PCDHA11: variants seen among roughly 807,000 people sequenced by gnomAD.
The protein encoded by PCDHA11 is protocadherin alpha 11.
Under a neutral mutation model 70.3 loss-of-function variants are expected in PCDHA11, and 61 were observed. The observed-to-expected ratio is 0.87, with a 90% CI of 0.71 to 1.07. The LOEUF is 1.07. Ranked by LOEUF, PCDHA11 falls within the 50% of genes least tolerant of loss-of-function variation. PCDHA11 has a pLI of 0.00. For synonymous variants in PCDHA11, 633 were observed against 555.1 expected (o/e 1.14, Z -1.97); for missense variants, 1,324 against 1,237.5 (o/e 1.07, Z -1.05).
chr5:140,869,748 A>G lies in PCDHA11; in HGVS notation c.645A>G (p.Thr215=). ...AACTTAATTTGCTGCTAACAGCTACAGACGGGGGAAAACCAGAGCTTACTG... is the reference window on the plus strand; with the variant it reads ...AACTTAATTTGCTGCTAACAGCTACGGACGGGGGAAAACCAGAGCTTACTG... ...TPELNLLLTA[T]DGGKPELTGT... The change falls in exon 1 of 4, where the codon ACA becomes ACG. Residue 215 remains threonine, a synonymous_variant. Coordinates refer to ENST00000398640, the MANE Select transcript of PCDHA11 (RefSeq NM_018902.5). 6.2e-7 allele frequency: 1 copy of G among 1,613,334 alleles called. No homozygotes were observed. The highest frequency in any genetic ancestry group is 1.7e-5 in the Admixed American group (1 of 59,994).
At chr5:140,926,998 G>C in intron 1 of PCDHA11, 1 of 1,612,288 alleles carries the variant, frequency 6.2e-7, no homozygotes, top group Non-Finnish European at 8.5e-7. Flanking sequence ...GGGCGTAGCC[G>C]TAGGCAATCT....
intron 1 of PCDHA11, among the ~76,000 whole-genome samples, chr5:140,938,922 T>G (rs2092267013): frequency 6.6e-6 from 1 of 151,926 alleles, no homozygotes; most frequent in Non-Finnish European, 1.5e-5. Flanking sequence ...CACAAGAAAT[T>G]GGCTTTTAAC....
In PCDHA11 at chr5:140,964,167, C is replaced by T. The variant is rs370784169; in HGVS notation, c.2392-14782C>T. Reference sequence around the variant, plus strand: ...AGCCTCAGTATAATGGTGTGAGGAACGAAATCATTATAGTGCCAAATAGAG... The same window carrying T: ...AGCCTCAGTATAATGGTGTGAGGAATGAAATCATTATAGTGCCAAATAGAG... On this transcript the variant is annotated intron_variant, in intron 1 of 3. Coordinates refer to ENST00000398640, the MANE Select transcript of PCDHA11 (RefSeq NM_018902.5). Among the ~76,000 whole-genome samples, 16 of 152,250 alleles carry T rather than the reference C, an allele frequency of 1.1e-4. 1 individual carries two copies. The highest frequency in any genetic ancestry group is 3.4e-4 in the African/African-American group (14 of 41,544).
chr5:140,954,920 G>A (rs1295412224), intron 1 of PCDHA11, among the ~76,000 whole-genome samples: 2 of 152,076 alleles, frequency 1.3e-5, no homozygotes, highest in East Asian at 3.9e-4. Context: ...TATGAATTAC[G>A]TCTTTAATTA....
chr5:140,884,803 C>T, intron 1 of PCDHA11: 1 of 1,225,142 alleles, frequency 8.2e-7, no homozygotes, highest in Non-Finnish European at 1.1e-6. Context: ...AATTTAACAA[C>T]TCTGCTGTGG....
chr5:140,882,174 C>T (rs868925922), intron 1 of PCDHA11: 1 of 1,514,752 alleles, frequency 6.6e-7, no homozygotes. Context: ...CGAATCCTTC[C>T]GCACTAGGAA....
In PCDHA11 at chr5:140,869,271, G is replaced by C. The variant is rs2050992128; in HGVS notation, c.168G>C (p.Leu56=). The C allele has an allele frequency of 6.2e-7, 1 of 1,613,468 alleles. No homozygotes were observed. Among genetic ancestry groups the C allele is most frequent in the Admixed American group, 1.7e-5 (1 of 59,998 alleles). ...GRIAQDLGLE[L]AELVQRLFRV... is the part of the protein sequence containing the mutation. The stretch of plus-strand genomic sequence containing the variant: ...TCGCGCAGGACCTGGGGCTGGAGCT[G>C]GCGGAGCTGGTGCAGCGCCTGTTCC... Residue 56 remains leucine, a synonymous_variant, in exon 1 of 4, where the codon CTG becomes CTC. Transcript: ENST00000398640.
chr5:140,975,861 T>G (rs782026072), intron 1 of PCDHA11, among the ~76,000 whole-genome samples: 8 of 152,192 alleles, frequency 5.3e-5, no homozygotes, highest in Non-Finnish European at 8.8e-5. Flanking sequence ...ATCACCCATA[T>G]GGACTACCTA....
At chr5:140,887,770 G>A (rs2061571546) in intron 1 of PCDHA11, among the ~76,000 whole-genome samples, 2 of 152,072 alleles carry the variant, frequency 1.3e-5, no homozygotes, top group South Asian at 4.1e-4. Flanking sequence ...ATGTTACAAT[G>A]ACACAGGTCA....
intron 2 of PCDHA11, among the ~76,000 whole-genome samples, chr5:140,980,093 G>A (rs1223807762): frequency 2.0e-5 from 3 of 152,166 alleles, no homozygotes; most frequent in South Asian, 2.1e-4. Context: ...AGTTGGCTTG[G>A]TAAGATGTCA....
At chr5:140,871,774 T>C (rs1164981873) in intron 1 of PCDHA11, among the ~76,000 whole-genome samples, 1 of 152,254 alleles carries the variant, frequency 6.6e-6, no homozygotes, top group African/African-American at 2.4e-5. Context: ...GACTCTTCTG[T>C]AGTCACTTGA....
intron 2 of PCDHA11, among the ~76,000 whole-genome samples, chr5:140,981,116 A>G (rs533489885): frequency 6.6e-6 from 1 of 152,344 alleles, no homozygotes; most frequent in African/African-American, 2.4e-5. Flanking sequence ...TCTACTGGAT[A>G]TGTTGTTTGA....
chr5:140,985,675 T>C (rs1477813786), intron 3 of PCDHA11, among the ~76,000 whole-genome samples: 1 of 151,998 alleles, frequency 6.6e-6, no homozygotes, highest in Non-Finnish European at 1.5e-5. Context: ...AAGTGGGGCC[T>C]GCCTTACGCT....
chr5:140,967,528 T>C, intron 1 of PCDHA11: 3 of 1,613,146 alleles, frequency 1.9e-6, no homozygotes, highest in Non-Finnish European at 2.5e-6. Context: ...ACGACAACTC[T>C]CCTGCCTTTG....
intron 3 of PCDHA11, among the ~76,000 whole-genome samples, chr5:141,007,658 A>G (rs2098338890): frequency 6.6e-6 from 1 of 152,098 alleles, no homozygotes; most frequent in Non-Finnish European, 1.5e-5. Context: ...AAAAACCATA[A>G]ATTTACAAAG....
chr5:140,936,034 A>C (rs1554210820), intron 1 of PCDHA11, among the ~76,000 whole-genome samples: 1 of 151,842 alleles, frequency 6.6e-6, no homozygotes, highest in East Asian at 1.9e-4. Context: ...CGGGGATTAC[A>C]GGCACCCACC....
intron 1 of PCDHA11, chr5:140,871,710 C>A: frequency 3.6e-6 from 3 of 826,484 alleles, no homozygotes; most frequent in South Asian, 4.5e-5. Flanking sequence ...AATAAATGTC[C>A]TATTTCTCTT....
chr5:140,980,102 C>A (rs782586995), intron 2 of PCDHA11, among the ~76,000 whole-genome samples: 1 of 152,192 alleles, frequency 6.6e-6, no homozygotes, highest in Non-Finnish European at 1.5e-5. Flanking sequence ...GGTAAGATGT[C>A]ACATTGGAAC....
At chr5:140,982,367 G>A in intron 2 of PCDHA11, 108 bp from the exon 3 acceptor site, 1 of 1,544,446 alleles carries the variant, frequency 6.5e-7, no homozygotes, top group Non-Finnish European at 8.7e-7. Context: ...AGCAGAATGT[G>A]TTAGCTGCAG....
Sources: gnomAD v4.1 joint callset for allele counts (sites outside exome capture counted in the v4.1 genomes callset) on GRCh38, gnomAD v4.1.1 for gene constraint, MANE v1.5 for transcripts, NCBI Gene and HGNC (gene_info 2026-07-23, HGNC 2026-07-21) for gene names.